PHACTR1: variants seen among roughly 807,000 people sequenced by gnomAD.
The protein encoded by PHACTR1 is phosphatase and actin regulator 1, also known as RPEL repeat containing 1.
Under a neutral mutation model 69.2 loss-of-function variants are expected in PHACTR1, and 16 were observed. The observed-to-expected ratio is 0.23, with a 90% CI of 0.16 to 0.35. The LOEUF is 0.35. Among genes scored for constraint, PHACTR1 ranks in the 10% least tolerant of loss-of-function variants. PHACTR1 has a pLI of 1.00. For missense variants in PHACTR1, 510 were observed against 734.7 expected (o/e 0.69, Z 3.54); for synonymous variants, 312 against 284.5 (o/e 1.10, Z -0.97).
intron 5 of PHACTR1, among the ~76,000 whole-genome samples, chr6:13,067,345 G>A (rs367792682): frequency 3.9e-5 from 6 of 152,052 alleles, no homozygotes; most frequent in South Asian, 2.1e-4. Context: ...CAAATATATC[G>A]CATTTCAGAT....
chr6:13,184,708 C>A, intron 7 of PHACTR1: 1 of 1,059,858 alleles, frequency 9.4e-7, no homozygotes, highest in Non-Finnish European at 1.3e-6. Flanking sequence ...GCTGTGTTGC[C>A]AGCCCGAGTC....
chr6:12,784,176 A>G lies in PHACTR1; in HGVS notation c.250+34386A>G, dbSNP rs140377894. ...ATACACATATACTTGATGAATATAC[A>G]TATACCCACAGATATACATATATAT... On this transcript the variant is annotated intron_variant, in intron 4 of 14. Transcript: ENST00000332995. 2.6e-3 allele frequency among the ~76,000 whole-genome samples: 401 copies of G among 152,162 alleles called. 5 individuals carry two copies. The highest frequency in any genetic ancestry group is 9.1e-3 in the African/African-American group (376 of 41,514).
chr6:13,064,478 TATA>T (rs1487834093), intron 5 of PHACTR1, among the ~76,000 whole-genome samples: 1 of 146,516 alleles, frequency 6.8e-6, no homozygotes, highest in Admixed American at 6.9e-5. Context: ...AAGCAAATGA[TATA>T]ATAAGCAAAT....
chr6:12,895,177 C>CTTT (rs139510433), intron 4 of PHACTR1, among the ~76,000 whole-genome samples: 9 of 88,268 alleles, frequency 1.0e-4, no homozygotes, highest in African/African-American at 1.9e-4. Flanking sequence ...TTTCTTTTTT[C>CTTT]TTTTTTTTTT....
chr6:12,743,189 GA>G (rs56962574), intron 3 of PHACTR1, among the ~76,000 whole-genome samples: 54,127 of 136,620 alleles, frequency 0.4, 10,050 homozygotes, highest in Middle Eastern at 0.5. Context: ...TAAATTGCAG[GA>G]AAAAAAAAAA....
At chr6:12,885,188 G>A (rs1783516951) in intron 4 of PHACTR1, among the ~76,000 whole-genome samples, 1 of 152,208 alleles carries the variant, frequency 6.6e-6, no homozygotes, top group Non-Finnish European at 1.5e-5. Flanking sequence ...CCGTGGAACT[G>A]CCTTGCGTCG....
chr6:12,946,442 ATGGGAAACCAGTTAGATTAT>A (rs1385923664), intron 4 of PHACTR1, among the ~76,000 whole-genome samples: 1 of 152,168 alleles, frequency 6.6e-6, no homozygotes, highest in African/African-American at 2.4e-5. Flanking sequence ...CGATTTGCAA[ATGGGAAACCAGTTAGATTAT>A]TGCAGAAGAC....
At chr6:12,955,226 T>C (rs1420322407) in intron 4 of PHACTR1, among the ~76,000 whole-genome samples, 2 of 126,872 alleles carry the variant, frequency 1.6e-5, no homozygotes, top group East Asian at 4.2e-4. Context: ...AGAGATAGCA[T>C]CTTGCTTTGT....
At chr6:13,226,535 T>G (rs981177020) in intron 8 of PHACTR1, among the ~76,000 whole-genome samples, 3 of 152,196 alleles carry the variant, frequency 2.0e-5, no homozygotes, top group Admixed American at 2.0e-4. Context: ...TAAATTCCAC[T>G]TCCAGTTAAT....
At chr6:12,748,512 A>G (rs1473017609) in intron 3 of PHACTR1, among the ~76,000 whole-genome samples, 4 of 152,224 alleles carry the variant, frequency 2.6e-5, no homozygotes, top group African/African-American at 9.7e-5. Context: ...AGCTGCAGAA[A>G]GACAAACATT....
At chr6:13,076,260 A>G (rs1264027996) in intron 5 of PHACTR1, among the ~76,000 whole-genome samples, 1 of 152,196 alleles carries the variant, frequency 6.6e-6, no homozygotes, top group Non-Finnish European at 1.5e-5. Flanking sequence ...AAGATAAGTG[A>G]TTATGAAGCA....
intron 4 of PHACTR1, chr6:12,957,273 A>G: frequency 1.2e-6 from 1 of 808,452 alleles, no homozygotes; most frequent in Non-Finnish European, 1.5e-6. Context: ...AAAAAAAAAA[A>G]AAGCCCAGGC....
intron 4 of PHACTR1, among the ~76,000 whole-genome samples, chr6:12,858,227 T>C (rs9283914): frequency 0.99 from 151,517 of 152,318 alleles, 75,371 homozygotes; most frequent in Middle Eastern, 1. Context: ...GCATCTGACC[T>C]TTATTGTTAG....
intron 5 of PHACTR1, among the ~76,000 whole-genome samples, chr6:13,111,674 A>G (rs1359428307): frequency 3.3e-5 from 5 of 152,132 alleles, no homozygotes; most frequent in Non-Finnish European, 7.4e-5. Context: ...CATCCTCTCA[A>G]TATAGGTATA....
chr6:13,040,007 C>T (rs891550142), intron 4 of PHACTR1, among the ~76,000 whole-genome samples: 5 of 152,124 alleles, frequency 3.3e-5, no homozygotes, highest in Non-Finnish European at 7.4e-5. Context: ...TATATACATG[C>T]TTTATATGTT....
intron 4 of PHACTR1, among the ~76,000 whole-genome samples, chr6:13,035,429 T>TA (rs1465790752): frequency 1.3e-5 from 2 of 151,562 alleles, no homozygotes; most frequent in Admixed American, 1.3e-4. Context: ...TCTATATGAT[T>TA]TTTTTTTAAA....
At chr6:13,008,704 T>C (rs1471971967) in intron 4 of PHACTR1, among the ~76,000 whole-genome samples, 3 of 152,166 alleles carry the variant, frequency 2.0e-5, no homozygotes. Flanking sequence ...CCATGAACCA[T>C]TTAGAAGTAC....
chr6:12,857,644 G>A (rs1780532714), intron 4 of PHACTR1, among the ~76,000 whole-genome samples: 1 of 151,646 alleles, frequency 6.6e-6, no homozygotes, highest in Non-Finnish European at 1.5e-5. Flanking sequence ...AGCACTCATT[G>A]GTGATGAAGA....
intron 10 of PHACTR1, among the ~76,000 whole-genome samples, chr6:13,265,538 C>T (rs1226673589): frequency 2.0e-5 from 3 of 152,032 alleles, no homozygotes; most frequent in Admixed American, 6.6e-5. Context: ...ATCACAAAGC[C>T]GTTGTGATTG....
Sources: gnomAD v4.1 joint callset for allele counts (sites outside exome capture counted in the v4.1 genomes callset) on GRCh38, gnomAD v4.1.1 for gene constraint, MANE v1.5 for transcripts, NCBI Gene and HGNC (gene_info 2026-07-23, HGNC 2026-07-21) for gene names.